Variants in SLC25A21 observed in about 807,000 individuals in gnomAD.
SLC25A21 encodes solute carrier family 25 member 21, also known as mitochondrial 2-oxodicarboxylate carrier.
In SLC25A21, 47 loss-of-function variants were observed where a neutral mutation model predicts 43.8. The ratio of observed to expected loss-of-function variants is 1.07; its 90% CI spans 0.85 to 1.37. SLC25A21 has a LOEUF of 1.37. SLC25A21 is among the 40% of genes most tolerant of loss of function. The pLI, the probability that SLC25A21 is intolerant of heterozygous loss-of-function variation, is 0.00. For synonymous variants in SLC25A21, 131 were observed against 121.3 expected, an observed-to-expected ratio of 1.08 and a Z score of -0.52; for missense variants, 352 against 350.2, an observed-to-expected ratio of 1.00 and a Z score of -0.04.
At chr14:36,878,388 G>C (rs1203326975) in intron 1 of SLC25A21, among the ~76,000 whole-genome samples, 1 of 152,208 alleles carries the variant, frequency 6.6e-6, no homozygotes, top group Non-Finnish European at 1.5e-5. Context: ...TACAGGCAGA[G>C]AGAACAGAAA....
At chr14:36,681,028 T>A (rs1049316429) in intron 9 of SLC25A21, among the ~76,000 whole-genome samples, 2 of 152,232 alleles carry the variant, frequency 1.3e-5, no homozygotes, top group African/African-American at 4.8e-5. Flanking sequence ...TATTTAGTCA[T>A]GTAAGGGCAT....
At chr14:36,869,224 C>A (rs1490401700) in intron 2 of SLC25A21, among the ~76,000 whole-genome samples, 1 of 152,164 alleles carries the variant, frequency 6.6e-6, no homozygotes, top group Non-Finnish European at 1.5e-5. Flanking sequence ...AAGGTCCTTA[C>A]CTCTGGAATT....
intron 3 of SLC25A21, among the ~76,000 whole-genome samples, chr14:36,811,029 T>C (rs1888243981): frequency 1.0e-5 from 1 of 99,126 alleles, no homozygotes; most frequent in Admixed American, 1.2e-4. Flanking sequence ...GGTTTGGGGA[T>C]AGGGTCCTTC....
At chr14:37,089,778 A>G (rs1485253271) in intron 1 of SLC25A21, among the ~76,000 whole-genome samples, 1 of 152,248 alleles carries the variant, frequency 6.6e-6, no homozygotes, top group East Asian at 1.9e-4. Context: ...CTAATGGAGT[A>G]AATGAAAACA....
chr14:37,154,643 AT>A (rs35417690), intron 1 of SLC25A21, among the ~76,000 whole-genome samples: 2,394 of 144,550 alleles, frequency 0.017, 25 homozygotes, highest in African/African-American at 0.036. Context: ...TAAAAGATAG[AT>A]TTTTTTTTTT....
At chr14:36,960,933 G>T (rs2138673861) in intron 1 of SLC25A21, among the ~76,000 whole-genome samples, 1 of 152,302 alleles carries the variant, frequency 6.6e-6, no homozygotes, top group Non-Finnish European at 1.5e-5. Flanking sequence ...TATGCACAAT[G>T]ACCTAATTGC....
At position 36,846,831 on chromosome 14, in the gene SLC25A21, C is replaced by T. The variant is rs140472644; in HGVS notation, c.119+28125G>A. 1.6e-3 allele frequency among the ~76,000 whole-genome samples: 245 copies of T among 152,290 alleles called. 2 individuals are homozygous for T. The highest frequency in any genetic ancestry group is 5.4e-3 in the African/African-American group (223 of 41,576). ...TCTGTGGCCCACTCAGTTTGCATTC[C>T]ATGGAAGGAGATGAACAACAAACAA... is the stretch of plus-strand genomic sequence containing the variant. On this transcript the variant is annotated intron_variant, in intron 2 of 9. Transcript: ENST00000331299.
intron 1 of SLC25A21, among the ~76,000 whole-genome samples, chr14:36,900,055 A>G (rs1172440480): frequency 6.6e-6 from 1 of 152,002 alleles, no homozygotes; most frequent in Non-Finnish European, 1.5e-5. Context: ...TCATAAATGA[A>G]CTGACGGAAA....
At chr14:36,835,384 G>C (rs1458412834) in intron 2 of SLC25A21, among the ~76,000 whole-genome samples, 1 of 152,070 alleles carries the variant, frequency 6.6e-6, no homozygotes, top group East Asian at 1.9e-4. Context: ...TGAACCAATA[G>C]GACACGAGAT....
intron 3 of SLC25A21, among the ~76,000 whole-genome samples, chr14:36,780,583 CTCAT>C (rs1887020142): frequency 6.6e-6 from 1 of 151,826 alleles, no homozygotes; most frequent in African/African-American, 2.4e-5. Context: ...TATTCCTTGA[CTCAT>C]TGGTTGTTCA....
intron 6 of SLC25A21, among the ~76,000 whole-genome samples, chr14:36,723,458 A>T (rs530118512): frequency 6.6e-6 from 1 of 152,352 alleles, no homozygotes; most frequent in Middle Eastern, 3.4e-3. Context: ...ATTTTATTCT[A>T]AGTAAATACC....
chr14:37,077,518 C>A (rs1048826121), intron 1 of SLC25A21, among the ~76,000 whole-genome samples: 2 of 151,926 alleles, frequency 1.3e-5, no homozygotes, highest in African/African-American at 4.8e-5. Context: ...GAACACGTGA[C>A]ATAGAACATG....
chr14:36,678,648 G>A lies in SLC25A21; in HGVS notation c.*2010C>T. On this transcript the variant is annotated 3_prime_UTR_variant, in exon 10 of 10. Transcript: ENST00000331299. ...TCAAATGTTTTTAGGTGGCTGTTAG[G>A]GGGCTTTAAAAAATATTACTTGCTT... The A allele has an allele frequency of 3.2e-6, 4 of 1,262,986 alleles. No homozygotes were observed. Among genetic ancestry groups the A allele is most frequent in the Non-Finnish European group, 4.0e-6 (4 of 1,004,164 alleles). The allele number at this position is 1,262,986 out of a possible 1,614,324, so 78.2% of individuals were successfully genotyped here. A position where few individuals can be genotyped will look rare whatever the true frequency, so the allele number is the denominator to read the frequency against.
At chr14:36,897,568 G>A (rs571430774) in intron 1 of SLC25A21, among the ~76,000 whole-genome samples, 169 of 152,204 alleles carry the variant, frequency 1.1e-3, no homozygotes, top group African/African-American at 3.7e-3. Flanking sequence ...GCTTTGTTCC[G>A]TTGCTGGTGA....
chr14:36,856,400 T>G (rs1236684319), intron 2 of SLC25A21, among the ~76,000 whole-genome samples: 1 of 152,140 alleles, frequency 6.6e-6, no homozygotes, highest in Non-Finnish European at 1.5e-5. Flanking sequence ...GAGCATTAAG[T>G]CCCAGTAGCT....
chr14:37,166,518 T>G (rs568136800), intron 1 of SLC25A21, among the ~76,000 whole-genome samples: 2 of 152,334 alleles, frequency 1.3e-5, no homozygotes, highest in South Asian at 4.1e-4. Context: ...CGTCTGTAAG[T>G]GGGGATTATT....
chr14:37,127,773 G>A (rs1406083356), intron 1 of SLC25A21, among the ~76,000 whole-genome samples: 1 of 152,190 alleles, frequency 6.6e-6, no homozygotes, highest in East Asian at 1.9e-4. Context: ...ATCTGGTCAG[G>A]AAGCCAGAAG....
chr14:37,082,743 A>G lies in SLC25A21; in HGVS notation c.70+89538T>C, dbSNP rs144775321. On this transcript the variant is annotated intron_variant, in intron 1 of 9. Transcript: ENST00000331299. ...ACTGGACAAAAGACAAATCATTCAGATCTAATATTAGCAGATCCCTTTCTG... is the reference window on the plus strand; with the variant it reads ...ACTGGACAAAAGACAAATCATTCAGGTCTAATATTAGCAGATCCCTTTCTG... Among the ~76,000 whole-genome samples the G allele has an allele frequency of 2.0e-3, 304 of 152,276 alleles. 1 individual carries two copies. The highest frequency in any genetic ancestry group is 6.9e-3 in the African/African-American group (286 of 41,568).
In SLC25A21 at chr14:37,160,504, G is replaced by A. The variant is rs554279018; in HGVS notation, c.70+11777C>T. On this transcript the variant is annotated intron_variant, in intron 1 of 9. Transcript: ENST00000331299. Reference sequence around the variant, plus strand: ...TATTGCATGTTCTCACTTATACGTGGGAGCTAAAACATTTGAACGCATGGA... The same window carrying A: ...TATTGCATGTTCTCACTTATACGTGAGAGCTAAAACATTTGAACGCATGGA... 2.6e-5 allele frequency among the ~76,000 whole-genome samples: 4 copies of A among 152,248 alleles called. No individual in the cohort carries two copies. The South Asian group carries it at 8.3e-4, about 32-fold the overall frequency.
Sources: allele counts gnomAD v4.1 joint callset (sites outside exome capture counted in the v4.1 genomes callset), GRCh38; gene constraint gnomAD v4.1.1; transcripts MANE v1.5; gene names NCBI Gene and HGNC (gene_info 2026-07-23, HGNC 2026-07-21).